The following SAMD3 variants were observed in gnomAD, a reference collection of about 807,000 sequenced individuals.
SAMD3 encodes the protein sterile alpha motif domain containing 3.
SAMD3 carries 63 observed loss-of-function variants against 58.5 expected under a neutral mutation model. That is an observed-to-expected ratio of 1.08 (90% CI 0.88 to 1.33). The LOEUF is 1.33. Ranked by LOEUF, SAMD3 falls within the 40% of genes most tolerant of loss-of-function variation. The probability of loss-of-function intolerance (pLI) is 0.00; values close to 1 mark genes in which losing one functional copy is unlikely to be tolerated. For missense variants in SAMD3, 604 were observed against 608.4 expected (o/e 0.99, Z 0.08); for synonymous variants, 220 against 210.3 (o/e 1.05, Z -0.40).
chr6:130,355,877 G>A (rs1351664601), intron 1 of SAMD3, among the ~76,000 whole-genome samples: 2 of 151,890 alleles, frequency 1.3e-5, no homozygotes, highest in Non-Finnish European at 2.9e-5. Context: ...GCATGATTTA[G>A]TGAATATTTG....
At chr6:130,209,919 T>A (rs192792750) in intron 4 of SAMD3, among the ~76,000 whole-genome samples, 66 of 152,358 alleles carry the variant, frequency 4.3e-4, no homozygotes, top group African/African-American at 1.6e-3. Flanking sequence ...AGAATGTATC[T>A]TTTTTAGCTA....
At chr6:130,179,803 C>T (rs9492477) in intron 7 of SAMD3, among the ~76,000 whole-genome samples, 7,582 of 137,214 alleles carry the variant, frequency 0.055, 223 homozygotes, top group Non-Finnish European at 0.073. Flanking sequence ...AAGAGATTGT[C>T]CTTATTCTTT....
chr6:130,161,533 A>G (rs1021463843), intron 8 of SAMD3: 8 of 152,224 alleles, frequency 5.3e-5, no homozygotes, highest in Non-Finnish European at 1.2e-4. Context: ...GTTGTATTCT[A>G]GACTGAAGTG....
At chr6:130,284,703 C>A (rs12525895) in intron 2 of SAMD3, among the ~76,000 whole-genome samples, 18,273 of 151,904 alleles carry the variant, frequency 0.12, 1,516 homozygotes, top group East Asian at 0.36. Context: ...GGTAAATAAT[C>A]AAAATTAGGC....
At chr6:130,187,310 C>CT (rs957261824) in intron 5 of SAMD3, among the ~76,000 whole-genome samples, 18 of 148,392 alleles carry the variant, frequency 1.2e-4, no homozygotes, top group Admixed American at 3.4e-4. Flanking sequence ...ACTTTCCCTC[C>CT]TTTTTTTTTT....
At chr6:130,310,709 T>C (rs1414559151) in intron 2 of SAMD3, among the ~76,000 whole-genome samples, 1 of 152,250 alleles carries the variant, frequency 6.6e-6, no homozygotes, top group African/African-American at 2.4e-5. Context: ...TGTATTTCTA[T>C]GCCCTACAAC....
chr6:130,252,602 G>A (rs1360406932), intron 2 of SAMD3, among the ~76,000 whole-genome samples: 1 of 152,150 alleles, frequency 6.6e-6, no homozygotes, highest in Admixed American at 6.5e-5. Context: ...TAAACCAGCT[G>A]CTGGTGTAAA....
intron 7 of SAMD3, chr6:130,182,844 A>C (rs1792500707): frequency 6.6e-6 from 1 of 152,422 alleles, no homozygotes; most frequent in Non-Finnish European, 1.5e-5. Flanking sequence ...AAGCACAAAA[A>C]GACATCTATC....
chr6:130,356,753 A>G (rs1266019730), intron 1 of SAMD3, among the ~76,000 whole-genome samples: 1 of 152,220 alleles, frequency 6.6e-6, no homozygotes, highest in Admixed American at 6.5e-5. Context: ...ATTGAGCTCA[A>G]TCCTCAATCT....
chr6:130,325,890 G>T (rs1292732468), intron 1 of SAMD3, among the ~76,000 whole-genome samples: 2 of 152,130 alleles, frequency 1.3e-5, no homozygotes, highest in African/African-American at 4.8e-5. Context: ...AAATCTAGAA[G>T]TTGACCGGCC....
At chr6:130,333,044 C>T (rs972011108) in intron 1 of SAMD3, among the ~76,000 whole-genome samples, 25 of 143,546 alleles carry the variant, frequency 1.7e-4, no homozygotes, top group African/African-American at 4.8e-4. Context: ...GTTGAGTATG[C>T]GTGTGTGTGT....
chr6:130,250,340 A>G (rs996541246), intron 2 of SAMD3, among the ~76,000 whole-genome samples: 10 of 152,192 alleles, frequency 6.6e-5, no homozygotes, highest in African/African-American at 1.2e-4. Flanking sequence ...CCCTAGTGCT[A>G]AAGGACTAGG....
chr6:130,310,954 G>T (rs1159712722), intron 2 of SAMD3, among the ~76,000 whole-genome samples: 1 of 152,076 alleles, frequency 6.6e-6, no homozygotes, highest in Non-Finnish European at 1.5e-5. Flanking sequence ...TTTTTCGGGG[G>T]ATTAAGCAGG....
intron 5 of SAMD3, among the ~76,000 whole-genome samples, chr6:130,205,230 C>T (rs1321847270): frequency 6.6e-6 from 1 of 150,916 alleles, no homozygotes; most frequent in Non-Finnish European, 1.5e-5. Context: ...AAACATTTAT[C>T]CCTTCCTATG....
upstream of SAMD3, among the ~76,000 whole-genome samples, chr6:130,223,662 C>T (rs896508102): frequency 3.3e-5 from 5 of 152,162 alleles, no homozygotes; most frequent in African/African-American, 1.2e-4. Context: ...CAAAGTGAAA[C>T]TTGGAAACAC....
At chr6:130,289,336 C>T (rs968633626) in intron 2 of SAMD3, among the ~76,000 whole-genome samples, 5 of 152,110 alleles carry the variant, frequency 3.3e-5, no homozygotes, top group African/African-American at 1.2e-4. Context: ...TTCTATTTTC[C>T]ACATCTTTGC....
intron 1 of SAMD3, among the ~76,000 whole-genome samples, chr6:130,316,222 C>T (rs1032200349): frequency 7.4e-6 from 1 of 134,834 alleles, no homozygotes; most frequent in African/African-American, 2.8e-5. Context: ...GCCTGGGAGG[C>T]GGAGGTTGCA....
chr6:130,186,767 A>T (rs370792086), intron 5 of SAMD3, among the ~76,000 whole-genome samples: 32 of 107,008 alleles, frequency 3.0e-4, no homozygotes, highest in African/African-American at 3.8e-4. Context: ...CCTTCCTGGG[A>T]TTTTTTTTTT....
intron 1 of SAMD3, among the ~76,000 whole-genome samples, chr6:130,353,374 A>G (rs942931096): frequency 1.5e-4 from 23 of 152,336 alleles, no homozygotes; most frequent in African/African-American, 5.5e-4. Context: ...CTTCCAGGAC[A>G]TAAGCACCTA....
Sources: allele counts gnomAD v4.1 joint callset (sites outside exome capture counted in the v4.1 genomes callset), GRCh38; gene constraint gnomAD v4.1.1; transcripts MANE v1.5; gene names NCBI Gene and HGNC (gene_info 2026-07-23, HGNC 2026-07-21).